The following LHFPL3 variants were observed in gnomAD, a reference collection of about 807,000 sequenced individuals.
The protein encoded by LHFPL3 is LHFPL tetraspan subfamily member 3, also known as LHFPL tetraspan subfamily member 3 protein.
LHFPL3 carries 5 observed loss-of-function variants against 19.3 expected under a neutral mutation model. The ratio of observed to expected loss-of-function variants is 0.26; its 90% CI spans 0.14 to 0.54. The LOEUF is 0.54. LHFPL3 is among the 20% of genes least tolerant of loss of function. The pLI is 0.94. For synonymous variants in LHFPL3, 133 were observed against 126.2 expected, an observed-to-expected ratio of 1.05 and a Z score of -0.36; for missense variants, 249 against 307.4, an observed-to-expected ratio of 0.81 and a Z score of 1.42.
intron 2 of LHFPL3, among the ~76,000 whole-genome samples, chr7:104,887,119 T>C (rs1481633950): frequency 6.6e-6 from 1 of 152,216 alleles, no homozygotes; most frequent in Non-Finnish European, 1.5e-5. Context: ...CCTATAAATG[T>C]TTCCCACAAA....
At chr7:104,416,862 T>C (rs977019183) in intron 1 of LHFPL3, among the ~76,000 whole-genome samples, 7 of 152,184 alleles carry the variant, frequency 4.6e-5, no homozygotes, top group Non-Finnish European at 8.8e-5. Flanking sequence ...ATATGGGCCT[T>C]CTTGCTGCAT....
chr7:104,518,452 C>T (rs1793964907), intron 1 of LHFPL3, among the ~76,000 whole-genome samples: 2 of 151,990 alleles, frequency 1.3e-5, no homozygotes, highest in African/African-American at 2.4e-5. Context: ...GAGGTTGTAC[C>T]TTGTTTTTTA....
At chr7:104,889,981 C>T (rs757541741) in intron 2 of LHFPL3, among the ~76,000 whole-genome samples, 2 of 152,124 alleles carry the variant, frequency 1.3e-5, no homozygotes, top group African/African-American at 2.4e-5. Context: ...TTCCTTCTCT[C>T]CTCTTCTCAT....
chr7:104,520,064 TATG>T (rs1794021360), intron 1 of LHFPL3, among the ~76,000 whole-genome samples: 1 of 151,988 alleles, frequency 6.6e-6, no homozygotes, highest in Non-Finnish European at 1.5e-5. Context: ...GCCCATTCAG[TATG>T]ATATTGGCTG....
At chr7:104,338,756 A>G (rs1464553736) in intron 1 of LHFPL3, among the ~76,000 whole-genome samples, 1 of 152,206 alleles carries the variant, frequency 6.6e-6, no homozygotes. Flanking sequence ...TGAAAATTAG[A>G]CTTATTTTCC....
chr7:104,889,365 C>T (rs563226382), intron 2 of LHFPL3, among the ~76,000 whole-genome samples: 5 of 152,232 alleles, frequency 3.3e-5, no homozygotes, highest in South Asian at 2.1e-4. Flanking sequence ...CCAGGCCGAG[C>T]GTGGTGGCTC....
chr7:104,668,391 A>G (rs1792401819), intron 1 of LHFPL3: 21 of 1,592,628 alleles, frequency 1.3e-5, no homozygotes, highest in Middle Eastern at 2.0e-4. Context: ...CCCACCTAGA[A>G]GAGGTGATGA....
chr7:104,558,249 G>A (rs866390273), intron 1 of LHFPL3, among the ~76,000 whole-genome samples: 469 of 151,228 alleles, frequency 3.1e-3, no homozygotes, highest in African/African-American at 1.0e-2. Context: ...CTGAGGAATC[G>A]CCACACTGAC....
intron 2 of LHFPL3, among the ~76,000 whole-genome samples, chr7:104,745,198 C>G (rs1313191115): frequency 2.0e-5 from 3 of 152,190 alleles, no homozygotes; most frequent in Admixed American, 2.0e-4. Context: ...CAGGAGTCGG[C>G]TGCAGGGTTC....
chr7:104,542,127 CGA>C (rs1386312594), intron 1 of LHFPL3, among the ~76,000 whole-genome samples: 5 of 151,854 alleles, frequency 3.3e-5, no homozygotes, highest in Non-Finnish European at 5.9e-5. Flanking sequence ...GCAGAAGAGC[CGA>C]GAGTGTCACT....
chr7:104,862,271 A>G (rs1791631028), intron 2 of LHFPL3, among the ~76,000 whole-genome samples: 1 of 152,124 alleles, frequency 6.6e-6, no homozygotes. Flanking sequence ...AGAATCCCCT[A>G]TGCCCTGAAT....
In LHFPL3 at chr7:104,328,828, C is replaced by T. The variant is rs1184155470; in HGVS notation, c.49C>T (p.Pro17Ser). Residue 17 changes from proline (P) to serine (S), a missense_variant, in exon 1 of 3, where the codon CCG becomes TCG. By Grantham distance (74) the Pro-to-Ser change is moderately conservative (BLOSUM62 -1). Coordinates refer to ENST00000424859, the MANE Select transcript of LHFPL3 (RefSeq NM_199000.3). This position sits in a 1 kb window ranked among gnomAD's most constrained non-coding sequence, Gnocchi z 4.6. ...AAAAAAAAMLPAQEAAKLYHT... is the reference protein window; with the variant it reads ...AAAAAAAAMLSAQEAAKLYHT... ...CGCCGCCGCCGCCGCCGCGATGCTC[C>T]CGGCTCAGGAGGCTGCCAAGCTGTA... The T allele has an allele frequency of 1.9e-6, 3 of 1,612,598 alleles. No homozygotes were observed. The highest frequency in any genetic ancestry group is 2.7e-5 in the African/African-American group (2 of 74,990).
chr7:104,553,603 T>C (rs1451040494), intron 1 of LHFPL3, among the ~76,000 whole-genome samples: 2 of 152,156 alleles, frequency 1.3e-5, no homozygotes, highest in Admixed American at 6.5e-5. Context: ...TTTAAACTCA[T>C]CTATTTCCCA....
intron 1 of LHFPL3, among the ~76,000 whole-genome samples, chr7:104,710,175 T>C (rs1793275152): frequency 6.6e-6 from 1 of 152,186 alleles, no homozygotes. Context: ...ATCAGGGATG[T>C]CATTTTGACA....
intron 1 of LHFPL3, among the ~76,000 whole-genome samples, chr7:104,465,728 G>T (rs940351710): frequency 2.0e-5 from 3 of 152,104 alleles, no homozygotes; most frequent in Non-Finnish European, 4.4e-5. Context: ...CTCCCACTGG[G>T]TCCCTCCCAT....
At chr7:104,384,316 C>T (rs1790891278) in intron 1 of LHFPL3, among the ~76,000 whole-genome samples, 1 of 152,042 alleles carries the variant, frequency 6.6e-6, no homozygotes, top group Admixed American at 6.5e-5. Flanking sequence ...TCTTTTTAGA[C>T]AGTTTTGTTG....
At position 104,543,080 on chromosome 7, in the gene LHFPL3, C is replaced by G. The variant is rs539436111; in HGVS notation, c.446-193595C>G. 2.0e-5 allele frequency among the ~76,000 whole-genome samples: 3 copies of G among 152,182 alleles called. No individual in the cohort carries two copies. In the East Asian group the frequency reaches 5.8e-4, roughly 29 times the overall value. Reference sequence around the variant, plus strand: ...GAAAACCAAACACCGCATGTTCTGACTCATTAAGTGTGAGTTGAACAATGA... The same window carrying G: ...GAAAACCAAACACCGCATGTTCTGAGTCATTAAGTGTGAGTTGAACAATGA... On this transcript the variant is annotated intron_variant, in intron 1 of 2. Transcript: ENST00000424859.
chr7:104,492,877 C>T (rs527947853), intron 1 of LHFPL3, among the ~76,000 whole-genome samples: 1 of 152,240 alleles, frequency 6.6e-6, no homozygotes, highest in Admixed American at 6.5e-5. Flanking sequence ...CTTTGGGGGC[C>T]TTCCACCATC....
chr7:104,377,618 A>G (rs1790741324), intron 1 of LHFPL3, among the ~76,000 whole-genome samples: 1 of 152,180 alleles, frequency 6.6e-6, no homozygotes, highest in South Asian at 2.1e-4. Flanking sequence ...TTGCTGAAGA[A>G]TTTACTTGCA....
Sources: gnomAD v4.1 joint callset for allele counts (sites outside exome capture counted in the v4.1 genomes callset) on GRCh38, gnomAD v4.1.1 for gene constraint, Gnocchi (gnomAD v3.1) non-coding constraint, MANE v1.5 for transcripts, NCBI Gene and HGNC (gene_info 2026-07-23, HGNC 2026-07-21) for gene names.